Variants in CCSER1 observed in about 807,000 individuals in gnomAD.
CCSER1 encodes the protein serine-rich coiled-coil domain-containing protein 1.
CCSER1 carries 41 observed loss-of-function variants against 82.0 expected under a neutral mutation model. The ratio of observed to expected loss-of-function variants is 0.50; its 90% CI spans 0.39 to 0.65. The LOEUF is 0.65. CCSER1 is among the 30% of genes least tolerant of loss of function. The pLI is 0.00. For missense variants in CCSER1, 1,119 were observed against 1,064.2 expected (o/e 1.05, Z -0.72); for synonymous variants, 414 against 383.9 (o/e 1.08, Z -0.92).
intron 5 of CCSER1, among the ~76,000 whole-genome samples, chr4:90,579,602 G>A: frequency 6.6e-6 from 1 of 152,002 alleles, no homozygotes; most frequent in East Asian, 1.9e-4. Flanking sequence ...TTGCACTCAT[G>A]GACTGTAGCT....
chr4:90,915,616 G>T (rs1420393978), intron 8 of CCSER1, among the ~76,000 whole-genome samples: 1 of 152,112 alleles, frequency 6.6e-6, no homozygotes, highest in African/African-American at 2.4e-5. Flanking sequence ...AGACAGGGAT[G>T]CCCTCTCTCA....
At chr4:90,378,847 A>T (rs1318702895) in intron 3 of CCSER1, among the ~76,000 whole-genome samples, 1 of 152,194 alleles carries the variant, frequency 6.6e-6, no homozygotes, top group Non-Finnish European at 1.5e-5. Context: ...ATGAGTTTAT[A>T]TTATTAATGT....
intron 6 of CCSER1, among the ~76,000 whole-genome samples, chr4:90,633,131 A>T (rs990764447): frequency 2.0e-5 from 3 of 151,996 alleles, no homozygotes; most frequent in African/African-American, 7.2e-5. Flanking sequence ...GTACCTTGTT[A>T]TATCTTCTCA....
At chr4:90,328,341 T>C (rs1738603372) in intron 3 of CCSER1, among the ~76,000 whole-genome samples, 4 of 151,756 alleles carry the variant, frequency 2.6e-5, no homozygotes, top group Admixed American at 1.3e-4. Context: ...TTCTCTCCTT[T>C]TTTTTTTGAT....
intron 5 of CCSER1, among the ~76,000 whole-genome samples, chr4:90,590,283 A>G (rs1229657807): frequency 6.6e-6 from 1 of 152,046 alleles, no homozygotes; most frequent in Admixed American, 6.6e-5. Flanking sequence ...CTCTGTCTCA[A>G]AAATAAAGAA....
chr4:90,611,291 G>T (rs537402061), intron 5 of CCSER1, among the ~76,000 whole-genome samples: 1 of 151,892 alleles, frequency 6.6e-6, no homozygotes, highest in Non-Finnish European at 1.5e-5. Flanking sequence ...TTAATGATTG[G>T]GCTATTTGGT....
intron 6 of CCSER1, among the ~76,000 whole-genome samples, chr4:90,675,682 TGG>T (rs1451671795): frequency 0.022 from 1 of 46 alleles, no homozygotes; most frequent in African/African-American, 0.1. Context: ...CTTGGGTTGG[TGG>T]TTTTTTTTTT....
intron 5 of CCSER1, among the ~76,000 whole-genome samples, chr4:90,490,051 T>A (rs184030099): frequency 4.4e-4 from 67 of 152,342 alleles, no homozygotes; most frequent in African/African-American, 1.5e-3. Context: ...ATTGGATTGC[T>A]GGGTCAAATG....
At chr4:90,616,736 C>A (rs59512971) in intron 5 of CCSER1, among the ~76,000 whole-genome samples, 25 of 60,400 alleles carry the variant, frequency 4.1e-4, no homozygotes, top group African/African-American at 2.4e-3. Flanking sequence ...CACACACACA[C>A]ACAAATAAAA....
intron 9 of CCSER1, among the ~76,000 whole-genome samples, chr4:90,985,375 G>A (rs776521697): frequency 1.9e-4 from 29 of 149,558 alleles, no homozygotes; most frequent in Non-Finnish European, 2.4e-4. Context: ...CTTCTTTAGC[G>A]GTTACTCTTA....
intron 10 of CCSER1, among the ~76,000 whole-genome samples, chr4:91,173,803 A>G (rs2149009204): frequency 6.6e-6 from 1 of 152,284 alleles, no homozygotes; most frequent in South Asian, 2.1e-4. Context: ...AAAAAGGATG[A>G]AAACAGAAGA....
At chr4:90,777,077 C>T (rs1316579277) in intron 7 of CCSER1, among the ~76,000 whole-genome samples, 1 of 152,126 alleles carries the variant, frequency 6.6e-6, no homozygotes, top group Non-Finnish European at 1.5e-5. Context: ...CTCTAAGTGC[C>T]GGGAGCGGTG....
chr4:90,616,098 T>C (rs1011093327), intron 5 of CCSER1, among the ~76,000 whole-genome samples: 2 of 152,238 alleles, frequency 1.3e-5, no homozygotes, highest in Non-Finnish European at 2.9e-5. Flanking sequence ...AATTAAGGCG[T>C]GTACATTGTT....
intron 1 of CCSER1, among the ~76,000 whole-genome samples, chr4:90,155,889 T>C (rs1254214767): frequency 5.3e-5 from 8 of 151,620 alleles, no homozygotes; most frequent in Admixed American, 2.0e-4. Context: ...CTGCTCTGAT[T>C]TTAGTTATTT....
intron 8 of CCSER1, among the ~76,000 whole-genome samples, chr4:90,825,542 AAT>A (rs1760301846): frequency 6.6e-6 from 1 of 152,130 alleles, no homozygotes; most frequent in Non-Finnish European, 1.5e-5. Flanking sequence ...CAGAAGGGGA[AAT>A]ATGTGTTTTT....
At chr4:90,191,994 T>C (rs1364082421) in intron 1 of CCSER1, among the ~76,000 whole-genome samples, 1 of 152,060 alleles carries the variant, frequency 6.6e-6, no homozygotes, top group Non-Finnish European at 1.5e-5. Flanking sequence ...TTCATACTAA[T>C]TACAAAGGCA....
At chr4:90,196,034 A>T (rs2153400635) in intron 1 of CCSER1, among the ~76,000 whole-genome samples, 1 of 151,308 alleles carries the variant, frequency 6.6e-6, no homozygotes, top group Middle Eastern at 3.5e-3. Flanking sequence ...GATATTGTTC[A>T]GGGTAGCAGT....
At chr4:90,979,574 A>G (rs979943730) in intron 9 of CCSER1, among the ~76,000 whole-genome samples, 2 of 151,734 alleles carry the variant, frequency 1.3e-5, no homozygotes, top group Non-Finnish European at 1.5e-5. Context: ...GTAGTTATTA[A>G]GGCTGTTCCC....
intron 9 of CCSER1, among the ~76,000 whole-genome samples, chr4:91,014,035 A>G (rs1488887349): frequency 1.5e-5 from 2 of 134,130 alleles, no homozygotes; most frequent in Admixed American, 1.5e-4. Flanking sequence ...AACACATAAC[A>G]AGAGTCCTTC....
Sources: gnomAD v4.1 joint callset for allele counts (sites outside exome capture counted in the v4.1 genomes callset) on GRCh38, gnomAD v4.1.1 for gene constraint, MANE v1.5 for transcripts, NCBI Gene and HGNC (gene_info 2026-07-23, HGNC 2026-07-21) for gene names.